RRP12: variants seen among roughly 807,000 people sequenced by gnomAD.
RRP12 encodes RRP12-like protein.
A neutral mutation model predicts 157.3 loss-of-function variants in RRP12; 78 were observed. The ratio of observed to expected loss-of-function variants is 0.50; its 90% CI spans 0.41 to 0.60. RRP12 has a LOEUF of 0.60. Among genes scored for constraint, RRP12 ranks in the 20% least tolerant of loss-of-function variants. RRP12 has a pLI of 0.00. For missense variants in RRP12, 1,521 were observed against 1,679.9 expected, an observed-to-expected ratio of 0.91 and a Z score of 1.65; for synonymous variants, 726 against 670.9, an observed-to-expected ratio of 1.08 and a Z score of -1.27.
intron 4 of RRP12, among the ~76,000 whole-genome samples, chr10:97,391,326 C>T (rs1431168767): frequency 6.6e-6 from 1 of 151,330 alleles, no homozygotes; most frequent in Non-Finnish European, 1.5e-5. Flanking sequence ...AATCCCAGCA[C>T]TATGGGAGGC....
intron 19 of RRP12, 34 bp downstream of exon 19, chr10:97,372,702 C>T (rs1346434269): frequency 3.9e-6 from 6 of 1,536,676 alleles, no homozygotes; most frequent in Admixed American, 3.9e-5. Context: ...CCCTGGGCTG[C>T]TCCAGCTCAA....
chr10:97,374,460 C>A (rs1844248700), intron 15 of RRP12, among the ~76,000 whole-genome samples: 1 of 151,970 alleles, frequency 6.6e-6, no homozygotes, highest in Admixed American at 6.5e-5. Context: ...CTGCACCCAG[C>A]CACATGCCCA....
intron 25 of RRP12, among the ~76,000 whole-genome samples, chr10:97,367,763 G>A (rs577480578): frequency 1.3e-5 from 2 of 152,242 alleles, no homozygotes; most frequent in South Asian, 2.1e-4. Context: ...ATGGAGTCTC[G>A]CTCTGTTGCC....
At chr10:97,384,718 C>T (rs1844570732) in intron 10 of RRP12, among the ~76,000 whole-genome samples, 1 of 149,806 alleles carries the variant, frequency 6.7e-6, no homozygotes, top group Non-Finnish European at 1.5e-5. Flanking sequence ...ACCTCAGCAG[C>T]CTGGACGGAG....
Position 97,379,725 on chromosome 10 carries a change from G to A in RRP12, c.1579C>T (p.His527Tyr), listed in dbSNP as rs762361188. The A allele has an allele frequency of 6.2e-7, 1 of 1,613,838 alleles. No individual in the cohort carries two copies. Among genetic ancestry groups the A allele is most frequent in the Non-Finnish European group, 8.5e-7 (1 of 1,179,900 alleles). The change falls in exon 14 of 34, where the codon CAC becomes TAC. Residue 527 changes from histidine to tyrosine, a missense_variant. Physicochemically the swap from His to Tyr is moderately conservative, Grantham distance 83. Coordinates refer to ENST00000370992, the MANE Select transcript of RRP12 (RefSeq NM_015179.4). ...CDLRLSPHFP[H>Y]TAALDQAVGA... ...ACTGCCTGGTCAAGAGCCGCCGTGT[G>A]GGGGAAATGAGGGGAGAGGCGCAGG...
At chr10:97,374,748 G>C (rs533661137) in intron 15 of RRP12, among the ~76,000 whole-genome samples, 9 of 146,002 alleles carry the variant, frequency 6.2e-5, no homozygotes, top group Admixed American at 3.5e-4. Context: ...CAACAGCCTG[G>C]GTGACGGAGC....
In RRP12 at chr10:97,400,361, C is replaced by G. The variant is rs762785690; in HGVS notation, c.313G>C (p.Val105Leu). 1 of 1,613,808 alleles carries G rather than the reference C, an allele frequency of 6.2e-7. No homozygotes were observed. The highest frequency in any genetic ancestry group is 2.2e-5 in the East Asian group (1 of 44,864). The stretch of plus-strand genomic sequence containing the variant: ...AAGCGCTGTACTTTGCTGAAGGTGA[C>G]GTTTGTGCAGTCGGAAAGGCCACTC... ...FLSGLSDCTN[V>L]TFSKVQRFWE... The change falls in exon 2 of 34, where the codon GTC becomes CTC. Residue 105 changes from valine (V) to leucine (L), a missense_variant. Physicochemically the swap from Val to Leu is conservative, Grantham distance 32. Coordinates refer to ENST00000370992, the MANE Select transcript of RRP12 (RefSeq NM_015179.4).
intron 9 of RRP12, 35 bp from the exon 10 acceptor site, chr10:97,385,292 A>G (rs1844597509): frequency 6.6e-7 from 1 of 1,517,080 alleles, no homozygotes. Flanking sequence ...CTGAGCATGC[A>G]GGGTCTGCAA....
chr10:97,390,384 G>A (rs766898601), intron 6 of RRP12, 39 bp downstream of exon 6: 3 of 1,495,768 alleles, frequency 2.0e-6, no homozygotes, highest in African/African-American at 2.7e-5. Flanking sequence ...AGTGGTGGCT[G>A]TCCCCTTGCC....
At chr10:97,400,980 A>T in intron 1 of RRP12, 113 bp downstream of exon 1, 1 of 1,304,262 alleles carries the variant, frequency 7.7e-7, no homozygotes, top group Non-Finnish European at 1.0e-6. Context: ...ACATCCTAAG[A>T]GACGAAAGGT....
At chr10:97,367,233 G>A (rs889383883) in intron 25 of RRP12, 101 bp from the exon 26 acceptor site, 5 of 1,017,724 alleles carry the variant, frequency 4.9e-6, no homozygotes, top group African/African-American at 1.6e-5. Flanking sequence ...AAGCCCAGCT[G>A]AGGGGAGGGT....
At chr10:97,401,057 C>T (rs1427185431) in intron 1 of RRP12, 36 bp downstream of exon 1, 1 of 1,606,306 alleles carries the variant, frequency 6.2e-7, no homozygotes, top group Non-Finnish European at 8.5e-7. Flanking sequence ...GCCTGGAACC[C>T]CGCCCCCGGC....
At chr10:97,378,195 A>G (rs1844362994) in intron 15 of RRP12, among the ~76,000 whole-genome samples, 1 of 152,190 alleles carries the variant, frequency 6.6e-6, no homozygotes, top group Admixed American at 6.5e-5. Flanking sequence ...TGGGGTAATC[A>G]TTTTCAAATA....
rs781713921 is a variant in RRP12, at chr10:97,360,528, G to A, written c.3640+18C>T. On this transcript the variant is annotated intron_variant, in intron 31 of 33. Transcript: ENST00000370992. ...ACAGGGATCCATGTGTCCCAGGAGA[G>A]AGGAGTGGAAGCCTCACCTTGGTAC... The A allele has an allele frequency of 8.8e-6, 14 of 1,592,876 alleles. No homozygotes were observed. Among genetic ancestry groups the A allele is most frequent in the South Asian group, 6.6e-5 (6 of 90,658 alleles).
Position 97,401,285 on chromosome 10 carries a change from A to T in RRP12, c.-54T>A. 2 of 1,609,594 alleles carry T rather than the reference A, an allele frequency of 1.2e-6. No individual in the cohort carries two copies. The highest frequency in any genetic ancestry group is 1.7e-6 in the Non-Finnish European group (2 of 1,176,522). Reference sequence around the variant, plus strand: ...TTAAATGACCGGCTTCCAGGGACGTAGAAACACGCTCAGAACCCACGTGGA... The same window carrying T: ...TTAAATGACCGGCTTCCAGGGACGTTGAAACACGCTCAGAACCCACGTGGA... On this transcript the variant is annotated 5_prime_UTR_variant, in exon 1 of 34. Transcript: ENST00000370992.
Position 97,385,969 on chromosome 10 carries a change from C to A in RRP12, c.1042G>T (p.Ala348Ser). ...CTGGCGTGGAAGAGGCTGTGAAAGG[C>A]CTGCATGGCACAGGCTGTCACCAGC... ...HVLVTACAMQ[A>S]FHSLFHARPG... Residue 348 changes from alanine (A) to serine (S), a missense_variant, in exon 9 of 34, where the codon GCC (alanine) becomes TCC (serine). Transcript: ENST00000370992. 6.2e-7 allele frequency: 1 copy of A among 1,602,268 alleles called. No homozygotes were observed. Among genetic ancestry groups the A allele is most frequent in the South Asian group, 1.1e-5 (1 of 88,696 alleles).
intron 3 of RRP12, 56 bp from the exon 4 acceptor site, chr10:97,393,816 G>A: frequency 1.4e-6 from 2 of 1,418,328 alleles, no homozygotes; most frequent in Non-Finnish European, 2.0e-6. Context: ...GAGCAAACAG[G>A]AAAGAGAGTG....
intron 13 of RRP12, 32 bp downstream of exon 13, chr10:97,380,767 T>C: frequency 6.6e-7 from 1 of 1,513,954 alleles, no homozygotes; most frequent in South Asian, 1.1e-5. Flanking sequence ...CAGCACCACT[T>C]CCTGCCCTGG....
rs551834811 is a variant in RRP12, at chr10:97,358,958, A to G, written c.3693T>C (p.Ala1231=). 5.0e-6 allele frequency: 8 copies of G among 1,613,832 alleles called. No individual in the cohort carries two copies. The Admixed American group carries it at 6.7e-5, about 13-fold the overall frequency. ...RPVAKKAMPG[A]EYKAKKAKGD... ...CAGCACTTACCTTGGCCTTGTATTC[A>G]GCCCCAGGCATAGCCTTCTTGGCCA... The change falls in exon 32 of 34, where the codon GCT becomes GCC. Residue 1231 remains alanine, a synonymous_variant. Coordinates refer to ENST00000370992, the MANE Select transcript of RRP12 (RefSeq NM_015179.4).
Sources: allele counts gnomAD v4.1 joint callset (sites outside exome capture counted in the v4.1 genomes callset), GRCh38; gene constraint gnomAD v4.1.1; transcripts MANE v1.5; gene names NCBI Gene and HGNC (gene_info 2026-07-23, HGNC 2026-07-21).